Variants in SLC24A3 observed in about 807,000 individuals in gnomAD.
SLC24A3 encodes solute carrier family 24 member 3.
A neutral mutation model predicts 75.8 loss-of-function variants in SLC24A3; 28 were observed. The observed-to-expected ratio is 0.37, with a 90% CI of 0.27 to 0.51. SLC24A3 has a LOEUF of 0.51. SLC24A3 is among the 20% of genes least tolerant of loss of function. The probability of loss-of-function intolerance (pLI) is 0.94; values close to 1 mark genes in which losing one functional copy is unlikely to be tolerated. For missense variants in SLC24A3, 663 were observed against 847.8 expected (o/e 0.78, Z 2.71); for synonymous variants, 372 against 334.1 (o/e 1.11, Z -1.24).
chr20:19,358,452 A>G (rs1368508619), intron 2 of SLC24A3, among the ~76,000 whole-genome samples: 1 of 152,134 alleles, frequency 6.6e-6, no homozygotes, highest in Non-Finnish European at 1.5e-5. Flanking sequence ...TACTTTTTGC[A>G]ACCCTGACCA....
At chr20:19,225,362 GC>G (rs1470437320) in intron 1 of SLC24A3, among the ~76,000 whole-genome samples, 2 of 152,096 alleles carry the variant, frequency 1.3e-5, no homozygotes, top group Non-Finnish European at 2.9e-5. Flanking sequence ...TGTTTGTTGG[GC>G]CATGTGCAGG....
intron 6 of SLC24A3, among the ~76,000 whole-genome samples, chr20:19,643,724 G>A (rs114229424): frequency 6.6e-6 from 1 of 152,138 alleles, no homozygotes; most frequent in East Asian, 1.9e-4. Context: ...AACTCACCTG[G>A]TAGGTATTCA....
At chr20:19,340,919 C>G (rs1393752774) in intron 2 of SLC24A3, among the ~76,000 whole-genome samples, 1 of 152,154 alleles carries the variant, frequency 6.6e-6, no homozygotes, top group Admixed American at 6.5e-5. Context: ...TCTCATTGGG[C>G]CCCTTTTGTG....
In SLC24A3 at chr20:19,722,249, C is replaced by T. The variant is rs1200324819; in HGVS notation, c.*1109C>T. 1 of 152,690 alleles carries T rather than the reference C, an allele frequency of 6.5e-6. No homozygotes were observed. Among genetic ancestry groups the T allele is most frequent in the African/African-American group, 2.4e-5 (1 of 41,432 alleles). The allele number at this position is 152,690 out of a possible 1,614,324, so 9.5% of individuals were successfully genotyped here. On this transcript the variant is annotated 3_prime_UTR_variant, in exon 17 of 17. Transcript: ENST00000328041. ...TCGTCAATTAAGTCCCAATTTGCCA[C>T]TTGGTATTGAGTACACTGGACCCTG...
rs970380866 is a variant in SLC24A3 at position 19,719,741 on chromosome 20, G to A, written c.1786-1250G>A. ...TCCTCCAACCCTGATGGACAGCTGC[G>A]TGGATGCAGCATGAACCAGATTGGG... On this transcript the variant is annotated intron_variant, in intron 16 of 16. Transcript: ENST00000328041. Among the ~76,000 whole-genome samples, 27 of 152,318 alleles carry A rather than the reference G, an allele frequency of 1.8e-4. 1 individual carries two copies. The highest frequency in any genetic ancestry group is 3.3e-4 in the Admixed American group (5 of 15,302).
intron 6 of SLC24A3, among the ~76,000 whole-genome samples, chr20:19,589,392 A>T (rs2031341643): frequency 6.6e-6 from 1 of 152,204 alleles, no homozygotes; most frequent in Admixed American, 6.5e-5. Flanking sequence ...CACTTAAGGG[A>T]TATTAATTCC....
At chr20:19,512,299 T>C (rs1435109971) in intron 2 of SLC24A3, among the ~76,000 whole-genome samples, 1 of 152,154 alleles carries the variant, frequency 6.6e-6, no homozygotes. Context: ...CTGACGAAGC[T>C]CCTGTGGTTT....
At chr20:19,685,956 G>T (rs567231226) in intron 12 of SLC24A3, among the ~76,000 whole-genome samples, 169 of 152,280 alleles carry the variant, frequency 1.1e-3, no homozygotes, top group Non-Finnish European at 2.2e-3. Flanking sequence ...CATCTGGGAG[G>T]CCTAAGGGTC....
intron 2 of SLC24A3, among the ~76,000 whole-genome samples, chr20:19,382,077 C>T (rs1472613683): frequency 1.3e-5 from 2 of 152,212 alleles, no homozygotes; most frequent in Non-Finnish European, 2.9e-5. Flanking sequence ...AGACGTTTGC[C>T]ACGTGTCAGT....
At chr20:19,688,860 A>C (rs2032712271) in intron 12 of SLC24A3, among the ~76,000 whole-genome samples, 1 of 151,156 alleles carries the variant, frequency 6.6e-6, no homozygotes, top group South Asian at 2.1e-4. Context: ...TAGTGTTAAC[A>C]TGCACATGTA....
chr20:19,491,172 C>T (rs926650691), intron 2 of SLC24A3, among the ~76,000 whole-genome samples: 12 of 152,142 alleles, frequency 7.9e-5, no homozygotes, highest in Admixed American at 5.2e-4. Flanking sequence ...ATAGCAGCAC[C>T]AACCTTCTTT....
In SLC24A3 at chr20:19,224,627, A is replaced by G. The variant is rs941446613; in HGVS notation, c.142+11643A>G. On this transcript the variant is annotated intron_variant, in intron 1 of 16. Coordinates refer to ENST00000328041, the MANE Select transcript of SLC24A3 (RefSeq NM_020689.4). The stretch of plus-strand genomic sequence containing the variant: ...CTTATTTGAGTAGTTTGTTCATTCA[A>G]GCAGCTTAGCCATGGCCCTTGCAAT... 2.6e-5 allele frequency among the ~76,000 whole-genome samples: 4 copies of G among 152,334 alleles called. No homozygotes were observed. The East Asian group carries it at 7.7e-4, about 29-fold the overall frequency.
intron 12 of SLC24A3, among the ~76,000 whole-genome samples, chr20:19,693,018 A>G (rs2032762347): frequency 6.6e-6 from 1 of 151,610 alleles, no homozygotes; most frequent in African/African-American, 2.4e-5. Context: ...TCACCCTCTC[A>G]TTTCGGAGAC....
rs113298259 is a variant in SLC24A3, at chr20:19,428,942, T to C, written c.272-86546T>C. Among the ~76,000 whole-genome samples the C allele has an allele frequency of 3.3e-3, 506 of 152,316 alleles. 4 individuals are homozygous for C. Among genetic ancestry groups the C allele is most frequent in the African/African-American group, 0.011 (475 of 41,576 alleles). ...AAATGTGTAATAGACAAGTTGTGAATTGTGGTTTTGTCAGCTACAGCAAGC... is the reference window on the plus strand; with the variant it reads ...AAATGTGTAATAGACAAGTTGTGAACTGTGGTTTTGTCAGCTACAGCAAGC... On this transcript the variant is annotated intron_variant, in intron 2 of 16. Transcript: ENST00000328041.
At chr20:19,305,246 G>A (rs895887392) in intron 2 of SLC24A3, among the ~76,000 whole-genome samples, 1 of 152,154 alleles carries the variant, frequency 6.6e-6, no homozygotes, top group African/African-American at 2.4e-5. Context: ...ATGAGGAAAT[G>A]TGGGAGGATG....
chr20:19,388,552 A>T (rs1986311401), intron 2 of SLC24A3, among the ~76,000 whole-genome samples: 1 of 152,292 alleles, frequency 6.6e-6, no homozygotes, highest in Non-Finnish European at 1.5e-5. Context: ...TCTACTAGAA[A>T]TACAAAAAAT....
In SLC24A3 at chr20:19,540,939, G is replaced by A. The variant is rs192701367; in HGVS notation, c.348+25375G>A. Among the ~76,000 whole-genome samples, 11 of 152,308 alleles carry A rather than the reference G, an allele frequency of 7.2e-5. No homozygotes were observed. The East Asian group carries it at 2.1e-3, about 29-fold the overall frequency. ...GTATTTGAAATGTCTAAATGTTGGT[G>A]CAATTTTGATACTAATAATCCTCCC... On this transcript the variant is annotated intron_variant, in intron 3 of 16. Coordinates refer to ENST00000328041, the MANE Select transcript of SLC24A3 (RefSeq NM_020689.4).
chr20:19,612,987 C>T (rs768174311), intron 6 of SLC24A3, among the ~76,000 whole-genome samples: 3 of 152,226 alleles, frequency 2.0e-5, no homozygotes, highest in Non-Finnish European at 4.4e-5. Flanking sequence ...ACGGTCCTGC[C>T]TTGGCACCTG....
At chr20:19,359,812 C>T (rs562848072) in intron 2 of SLC24A3, among the ~76,000 whole-genome samples, 44 of 152,190 alleles carry the variant, frequency 2.9e-4, no homozygotes, top group African/African-American at 9.6e-4. Flanking sequence ...GAGGTAATCC[C>T]AGGAAACACC....
Sources: allele counts gnomAD v4.1 joint callset (sites outside exome capture counted in the v4.1 genomes callset), GRCh38; gene constraint gnomAD v4.1.1; transcripts MANE v1.5; gene names NCBI Gene and HGNC (gene_info 2026-07-23, HGNC 2026-07-21).